The following ATRX variants were observed in gnomAD, a reference collection of about 807,000 sequenced individuals.
The protein encoded by ATRX is ATRX chromatin remodeler.
ATRX carries 12 observed loss-of-function variants against 172.6 expected under a neutral mutation model. That is an observed-to-expected ratio of 0.07 (90% CI 0.04 to 0.11). ATRX has a LOEUF of 0.11. ATRX is among the 10% of genes least tolerant of loss of function. ATRX has a pLI of 1.00. For synonymous variants in ATRX, 674 were observed against 594.7 expected (o/e 1.13, Z -1.94); for missense variants, 1,368 against 1,767.4 (o/e 0.77, Z 4.05).
chrX:77,728,594 T>C (rs1385134904), intron 1 of ATRX, among the ~76,000 whole-genome samples: 1 of 111,081 alleles, frequency 9.0e-6, no homozygotes, highest in African/African-American at 3.3e-5. Context: ...AAAATGACTA[T>C]TCATTGTAGG....
intron 1 of ATRX, among the ~76,000 whole-genome samples, chrX:77,771,144 G>A (rs5913236): frequency 0.066 from 7,305 of 110,957 alleles, 235 homozygotes; most frequent in South Asian, 0.096. Flanking sequence ...TTGGGAGGCC[G>A]AGGCTGGCGG....
At position 77,508,582 on chromosome X, in the gene ATRX, C is replaced by T. The variant is rs1468805653; in HGVS notation, c.7248G>A (p.Gln2416=). 1.7e-6 allele frequency: 2 copies of T among 1,210,252 alleles called. No individual in the cohort carries two copies. The highest frequency in any genetic ancestry group is 2.2e-6 in the Non-Finnish European group (2 of 895,343). ...GTTGCTGTTGCTGCTGATTGTACTG[C>T]TGCTGGAGCCTTCTGTTCATAAGTA... ...QRILMNRRLQ[Q]QYNQQQQQQM... Residue 2416 remains glutamine (Q), a synonymous_variant, in exon 35 of 35, where the codon CAG becomes CAA. Coordinates refer to ENST00000373344, the MANE Select transcript of ATRX (RefSeq NM_000489.6).
intron 2 of ATRX, among the ~76,000 whole-genome samples, chrX:77,713,479 T>C (rs2073212897): frequency 9.0e-6 from 1 of 111,312 alleles, no homozygotes; most frequent in African/African-American, 3.3e-5. Flanking sequence ...AAAGCAAGCC[T>C]TGAATACTTT....
At position 77,626,406 on chromosome X, in the gene ATRX, T is replaced by C. The variant is rs782493944; in HGVS notation, c.5135-5874A>G. ...TAAAGAACTTACTCATGTAACCAAATACCACCTGTACCCCAATAACTTATA... is the reference window on the plus strand; with the variant it reads ...TAAAGAACTTACTCATGTAACCAAACACCACCTGTACCCCAATAACTTATA... On this transcript the variant is annotated intron_variant, in intron 19 of 34. Transcript: ENST00000373344. Among the ~76,000 whole-genome samples, 8 of 109,598 alleles carry C rather than the reference T, an allele frequency of 7.3e-5. No individual in the cohort carries two copies. The South Asian group carries it at 3.2e-3, about 44-fold the overall frequency.
intron 15 of ATRX, 129 bp downstream of exon 15, chrX:77,651,985 C>T (rs1557117119): frequency 1.1e-5 from 7 of 644,516 alleles, no homozygotes; most frequent in Non-Finnish European, 1.5e-5. Flanking sequence ...TGACTCACGC[C>T]TGTAATCCCA....
intron 1 of ATRX, among the ~76,000 whole-genome samples, chrX:77,769,067 T>C (rs187345623): frequency 9.0e-6 from 1 of 111,309 alleles, no homozygotes; most frequent in Admixed American, 9.7e-5. Flanking sequence ...CACTGTGATG[T>C]GCACCTGCAG....
chrX:77,591,334 A>T (rs1204356797), intron 26 of ATRX, among the ~76,000 whole-genome samples: 1 of 112,229 alleles, frequency 8.9e-6, no homozygotes, highest in Admixed American at 9.4e-5. Context: ...ATCTAGAAAG[A>T]GAATATAAGA....
intron 1 of ATRX, among the ~76,000 whole-genome samples, chrX:77,734,553 A>C (rs1360485037): frequency 9.0e-6 from 1 of 110,850 alleles, no homozygotes; most frequent in East Asian, 2.9e-4. Context: ...TTGGGAGGCC[A>C]AGGCGGAAGG....
At chrX:77,552,168 C>T (rs1477465880) in intron 30 of ATRX, among the ~76,000 whole-genome samples, 5 of 110,686 alleles carry the variant, frequency 4.5e-5, no homozygotes, top group South Asian at 3.9e-4. Flanking sequence ...AACACATGCG[C>T]ATGTATGTTT....
intron 28 of ATRX, among the ~76,000 whole-genome samples, chrX:77,559,481 C>T (rs1439850614): frequency 3.3e-5 from 2 of 60,632 alleles, no homozygotes; most frequent in Admixed American, 2.9e-4. Flanking sequence ...TTTTTTGAGA[C>T]GGAGACTCAC....
intron 1 of ATRX, among the ~76,000 whole-genome samples, chrX:77,745,352 G>A (rs2075027958): frequency 9.1e-6 from 1 of 110,470 alleles, no homozygotes; most frequent in South Asian, 3.8e-4. Context: ...TCCATCAACA[G>A]ACGGACGAAT....
chrX:77,587,055 TAA>T (rs782752762), intron 27 of ATRX, among the ~76,000 whole-genome samples: 2 of 94,785 alleles, frequency 2.1e-5, no homozygotes, highest in Admixed American at 1.2e-4. Context: ...ACCCTGTCTC[TAA>T]AAAAAAAAAA....
rs782293182 is a variant in ATRX at position 77,521,387 on chromosome X, T to C, written c.7071+16A>G. 26 of 1,178,499 alleles carry C rather than the reference T, an allele frequency of 2.2e-5. No homozygotes were observed. The highest frequency in any genetic ancestry group is 1.2e-4 in the African/African-American group (7 of 56,628). ...CAAATTGGAGGTTGGAATAAGACAA[T>C]TGCCAATTAGCTTACTACAGCTGAA... On this transcript the variant is annotated intron_variant, in intron 33 of 34. Transcript: ENST00000373344.
chrX:77,584,253 T>A (rs781861023), intron 27 of ATRX, among the ~76,000 whole-genome samples: 2 of 111,579 alleles, frequency 1.8e-5, no homozygotes, highest in Non-Finnish European at 3.8e-5. Flanking sequence ...CCCAAAGCAA[T>A]CTACAGATTC....
chrX:77,658,011 C>T (rs1322045755), intron 12 of ATRX, among the ~76,000 whole-genome samples: 1 of 110,794 alleles, frequency 9.0e-6, no homozygotes, highest in Non-Finnish European at 1.9e-5. Context: ...GAATTTGAGA[C>T]CAGCCTGGGC....
At chrX:77,509,897 CA>C in intron 34 of ATRX, among the ~76,000 whole-genome samples, 2 of 33,179 alleles carry the variant, frequency 6.0e-5, no homozygotes, top group Non-Finnish European at 1.1e-4. Flanking sequence ...GGCTGAAAGC[CA>C]GTGGACGGGG....
At chrX:77,655,545 T>C (rs1175173841) in intron 13 of ATRX, among the ~76,000 whole-genome samples, 1 of 110,622 alleles carries the variant, frequency 9.0e-6, no homozygotes, top group Non-Finnish European at 1.9e-5. Flanking sequence ...TACGAGGGCA[T>C]GGGGAATGGA....
At chrX:77,759,666 A>T (rs781927367) in intron 1 of ATRX, among the ~76,000 whole-genome samples, 4 of 111,405 alleles carry the variant, frequency 3.6e-5, no homozygotes, top group Non-Finnish European at 7.5e-5. Context: ...GTGAGCAAAG[A>T]TAGCACCACT....
intron 17 of ATRX, chrX:77,633,947 A>G: frequency 2.7e-6 from 1 of 372,583 alleles, no homozygotes; most frequent in Non-Finnish European, 4.7e-6. Flanking sequence ...ATAGTATAAA[A>G]TGATCCCATA....
Sources: gnomAD v4.1 joint callset for allele counts (sites outside exome capture counted in the v4.1 genomes callset) on GRCh38, gnomAD v4.1.1 for gene constraint, MANE v1.5 for transcripts, NCBI Gene and HGNC (gene_info 2026-07-23, HGNC 2026-07-21) for gene names.